Variants in GRID1 observed in about 807,000 individuals in gnomAD.
GRID1 encodes the protein glutamate ionotropic receptor delta type subunit 1, also known as glutamate receptor ionotropic, delta-1.
In GRID1, 28 loss-of-function variants were observed where a neutral mutation model predicts 98.0. The ratio of observed to expected loss-of-function variants is 0.29; its 90% CI spans 0.21 to 0.39. The LOEUF is 0.39. GRID1 is among the 10% of genes least tolerant of loss of function. The pLI is 1.00. For synonymous variants in GRID1, 553 were observed against 538.5 expected, an observed-to-expected ratio of 1.03 and a Z score of -0.37; for missense variants, 1,111 against 1,340.5, an observed-to-expected ratio of 0.83 and a Z score of 2.67.
At chr10:86,348,674 T>TCCACGCACGTAG (rs769069396) in intron 2 of GRID1, among the ~76,000 whole-genome samples, 4 of 152,204 alleles carry the variant, frequency 2.6e-5, no homozygotes, top group Non-Finnish European at 5.9e-5. Flanking sequence ...ACGTAGCACG[T>TCCACGCACGTAG]CCACGTGACA....
At chr10:86,183,121 C>T (rs1845679499) in intron 3 of GRID1, among the ~76,000 whole-genome samples, 1 of 152,142 alleles carries the variant, frequency 6.6e-6, no homozygotes, top group South Asian at 2.1e-4. Flanking sequence ...CTTTCCCTAT[C>T]CCCCACCCCA....
intron 8 of GRID1, among the ~76,000 whole-genome samples, chr10:85,795,391 C>T (rs575539365): frequency 9.9e-5 from 15 of 152,262 alleles, no homozygotes; most frequent in East Asian, 1.9e-4. Context: ...TCTTACAAGA[C>T]GCACCTCAGA....
intron 12 of GRID1, among the ~76,000 whole-genome samples, chr10:85,704,871 T>C (rs565455926): frequency 2.5e-4 from 38 of 152,308 alleles, no homozygotes; most frequent in Middle Eastern, 3.4e-3. Flanking sequence ...GAATGACTAC[T>C]GGGTACATAA....
At chr10:85,734,395 A>C (rs1841857026) in intron 8 of GRID1, among the ~76,000 whole-genome samples, 1 of 152,192 alleles carries the variant, frequency 6.6e-6, no homozygotes, top group African/African-American at 2.4e-5. Context: ...CATGTAAATT[A>C]AAATGGAATT....
chr10:85,865,904 C>CATATATATATATATAT (rs1467791476), intron 6 of GRID1, among the ~76,000 whole-genome samples: 1 of 52,410 alleles, frequency 1.9e-5, no homozygotes, highest in African/African-American at 8.2e-5. Flanking sequence ...AAGTGTTTTA[C>CATATATATATATATAT]ATATATACAT....
chr10:85,937,672 G>A (rs1436670504), intron 4 of GRID1, among the ~76,000 whole-genome samples: 1 of 152,156 alleles, frequency 6.6e-6, no homozygotes, highest in Non-Finnish European at 1.5e-5. Flanking sequence ...TTTTAGCCAG[G>A]GGCAATTTTA....
At chr10:85,888,862 A>G (rs557818286) in intron 5 of GRID1, among the ~76,000 whole-genome samples, 79 of 152,168 alleles carry the variant, frequency 5.2e-4, no homozygotes, top group African/African-American at 1.7e-3. Flanking sequence ...TCTACCTAGC[A>G]AATTCTAAAT....
At chr10:86,180,209 A>G (rs1200744615) in intron 3 of GRID1, among the ~76,000 whole-genome samples, 1 of 152,148 alleles carries the variant, frequency 6.6e-6, no homozygotes, top group Non-Finnish European at 1.5e-5. Context: ...AGGACACTAG[A>G]GAACACCAGG....
At chr10:86,027,582 A>T (rs144232812) in intron 4 of GRID1, among the ~76,000 whole-genome samples, 1 of 152,290 alleles carries the variant, frequency 6.6e-6, no homozygotes, top group African/African-American at 2.4e-5. Context: ...AGTGGCTGAG[A>T]CAGCTTTAGT....
intron 3 of GRID1, among the ~76,000 whole-genome samples, chr10:86,149,547 T>C (rs1257743852): frequency 6.6e-6 from 1 of 152,238 alleles, no homozygotes; most frequent in Non-Finnish European, 1.5e-5. Context: ...CTCCTTTCCA[T>C]TTAAAAAACA....
intron 4 of GRID1, among the ~76,000 whole-genome samples, chr10:85,956,025 C>T (rs945506224): frequency 6.6e-6 from 1 of 152,156 alleles, no homozygotes; most frequent in East Asian, 1.9e-4. Context: ...AAAATTGATT[C>T]GAGGCCCTCA....
intron 8 of GRID1, among the ~76,000 whole-genome samples, chr10:85,737,703 T>A (rs935257813): frequency 6.5e-5 from 6 of 92,472 alleles, no homozygotes; most frequent in Non-Finnish European, 1.0e-4. Context: ...TATATATATA[T>A]AACATACATG....
At chr10:86,298,998 A>G (rs1451844752) in intron 2 of GRID1, among the ~76,000 whole-genome samples, 1 of 152,030 alleles carries the variant, frequency 6.6e-6, no homozygotes, top group East Asian at 1.9e-4. Context: ...GAGCTCACAT[A>G]TCTGAGGCAC....
intron 2 of GRID1, among the ~76,000 whole-genome samples, chr10:86,320,287 G>C (rs1207105809): frequency 6.6e-6 from 1 of 152,218 alleles, no homozygotes; most frequent in Non-Finnish European, 1.5e-5. Context: ...GCCACCTCCT[G>C]AGAGATTACT....
At chr10:85,695,152 C>T (rs904398687) in intron 12 of GRID1, among the ~76,000 whole-genome samples, 10 of 152,044 alleles carry the variant, frequency 6.6e-5, no homozygotes, top group African/African-American at 2.4e-4. Context: ...AATATGTCAA[C>T]TTTAGGTTAG....
intron 4 of GRID1, among the ~76,000 whole-genome samples, chr10:86,119,340 CA>C (rs1465633469): frequency 6.6e-6 from 1 of 151,798 alleles, no homozygotes; most frequent in Non-Finnish European, 1.5e-5. Context: ...GTCTCAAAAA[CA>C]AACAAACAAA....
At chr10:85,768,112 A>T (rs991389512) in intron 8 of GRID1, among the ~76,000 whole-genome samples, 4 of 152,246 alleles carry the variant, frequency 2.6e-5, no homozygotes, top group Admixed American at 2.6e-4. Flanking sequence ...AAAATCGATT[A>T]AAAGGAAATG....
At chr10:85,614,012 T>C (rs776975066) in intron 14 of GRID1, among the ~76,000 whole-genome samples, 5 of 152,260 alleles carry the variant, frequency 3.3e-5, no homozygotes, top group Non-Finnish European at 2.9e-5. Flanking sequence ...ATTTAGGTTG[T>C]GGATTTAGGA....
chr10:86,228,573 G>A (rs11814717), intron 2 of GRID1, among the ~76,000 whole-genome samples: 20,362 of 152,098 alleles, frequency 0.13, 1,887 homozygotes, highest in East Asian at 0.45. Flanking sequence ...GCATCCCAGA[G>A]CTGCCAGGTG....
Sources: allele counts gnomAD v4.1 joint callset (sites outside exome capture counted in the v4.1 genomes callset), GRCh38; gene constraint gnomAD v4.1.1; transcripts MANE v1.5; gene names NCBI Gene and HGNC (gene_info 2026-07-23, HGNC 2026-07-21).